The following ARB2A variants were observed in gnomAD, a reference collection of about 807,000 sequenced individuals.
The protein encoded by ARB2A is ARB2 cotranscriptional regulator A.
At chr5:94,003,861 T>C in the ARB2A span, among the ~76,000 whole-genome samples, 23 of 151,960 alleles carry the variant, frequency 1.5e-4, no homozygotes, top group Non-Finnish European at 2.9e-4. Context: ...AAAATTTATA[T>C]GGAAAGAAAA....
At chr5:94,056,676 C>T in the ARB2A span, among the ~76,000 whole-genome samples, 101 of 152,150 alleles carry the variant, frequency 6.6e-4, no homozygotes, top group African/African-American at 2.3e-3. Flanking sequence ...TATAAAAATA[C>T]GATTTCATAC....
chr5:93,673,578 C>A, the ARB2A span, among the ~76,000 whole-genome samples: 6 of 152,180 alleles, frequency 3.9e-5, no homozygotes, highest in African/African-American at 9.7e-5. Context: ...TAAATGCCCA[C>A]AAACAGCCCA....
chr5:93,665,001 A>G, the ARB2A span, among the ~76,000 whole-genome samples: 2 of 151,952 alleles, frequency 1.3e-5, no homozygotes, highest in East Asian at 3.9e-4. Context: ...TAATTTTTGT[A>G]TTTTTTGTAG....
chr5:94,003,376 A>G, the ARB2A span, among the ~76,000 whole-genome samples: 7 of 152,202 alleles, frequency 4.6e-5, no homozygotes, highest in Non-Finnish European at 8.8e-5. Flanking sequence ...ACAAAAGGAA[A>G]TCAAAAACAT....
At chr5:94,004,446 G>A in the ARB2A span, among the ~76,000 whole-genome samples, 4 of 151,976 alleles carry the variant, frequency 2.6e-5, no homozygotes, top group Non-Finnish European at 5.9e-5. Flanking sequence ...GCCAGGCATT[G>A]TGGCAGGCGC....
chr5:93,784,137 T>A, the ARB2A span: 1 of 289,900 alleles, frequency 3.4e-6, no homozygotes, highest in East Asian at 6.1e-5. Flanking sequence ...TACCATAGAT[T>A]GAACACTATA....
At chr5:93,877,535 C>T in the ARB2A span, among the ~76,000 whole-genome samples, 8 of 152,036 alleles carry the variant, frequency 5.3e-5, no homozygotes, top group Admixed American at 3.3e-4. Flanking sequence ...TAAGGATTGA[C>T]ATGCAATGCC....
chr5:93,924,253 G>A, the ARB2A span, among the ~76,000 whole-genome samples: 2 of 152,040 alleles, frequency 1.3e-5, no homozygotes, highest in African/African-American at 4.8e-5. Flanking sequence ...TGTGAAGAAG[G>A]GAGCAAGGAA....
chr5:93,738,008 A>AT, the ARB2A span: 1 of 414,438 alleles, frequency 2.4e-6, no homozygotes, highest in African/African-American at 2.1e-5. Flanking sequence ...GCATCAAAAG[A>AT]TACAGTCAAA....
At chr5:93,834,292 A>G in the ARB2A span, among the ~76,000 whole-genome samples, 1 of 152,228 alleles carries the variant, frequency 6.6e-6, no homozygotes, top group Non-Finnish European at 1.5e-5. Flanking sequence ...GAGCAACTTA[A>G]GGGCAGTGCC....
the ARB2A span, among the ~76,000 whole-genome samples, chr5:93,669,335 A>G: frequency 5.3e-5 from 8 of 152,222 alleles, no homozygotes; most frequent in Admixed American, 2.0e-4. Flanking sequence ...TTAAATGGTA[A>G]ATCTACTGTC....
chr5:93,709,553 A>C, the ARB2A span, among the ~76,000 whole-genome samples: 4 of 148,374 alleles, frequency 2.7e-5, 1 homozygote, highest in South Asian at 8.6e-4. Context: ...GAATCGCTTG[A>C]ATCCAGGAGG....
At chr5:93,869,961 C>T in the ARB2A span, among the ~76,000 whole-genome samples, 3 of 152,200 alleles carry the variant, frequency 2.0e-5, no homozygotes, top group South Asian at 2.1e-4. Context: ...TCACACAAAG[C>T]CTGTTTGGTG....
At chr5:93,785,174 G>A in the ARB2A span, among the ~76,000 whole-genome samples, 1 of 152,140 alleles carries the variant, frequency 6.6e-6, no homozygotes, top group Admixed American at 6.5e-5. Flanking sequence ...TGGAGATACC[G>A]ATGAATTCAT....
At chr5:93,726,218 T>C in the ARB2A span, among the ~76,000 whole-genome samples, 18 of 152,130 alleles carry the variant, frequency 1.2e-4, no homozygotes, top group East Asian at 2.5e-3. Flanking sequence ...ACTGGAAAAA[T>C]TGACACAAGG....
chr5:93,634,071 A>G, the ARB2A span, among the ~76,000 whole-genome samples: 4 of 152,032 alleles, frequency 2.6e-5, no homozygotes, highest in Admixed American at 6.5e-5. Context: ...TCGCAAATCT[A>G]CCTTATATTG....
the ARB2A span, among the ~76,000 whole-genome samples, chr5:93,858,833 C>T: frequency 4.6e-5 from 7 of 151,852 alleles, no homozygotes; most frequent in Non-Finnish European, 1.0e-4. Context: ...TATAATGTAA[C>T]ATTTTGTTAA....
At chr5:93,976,890 T>C in the ARB2A span, among the ~76,000 whole-genome samples, 1 of 152,064 alleles carries the variant, frequency 6.6e-6, no homozygotes, top group South Asian at 2.1e-4. Flanking sequence ...CTAGACATGA[T>C]AAATGACTTC....
At chr5:93,700,060 C>G in the ARB2A span, among the ~76,000 whole-genome samples, 1 of 151,758 alleles carries the variant, frequency 6.6e-6, no homozygotes, top group Non-Finnish European at 1.5e-5. Context: ...AAGACATAAA[C>G]GGAAGAATAA....
Sources: allele counts gnomAD v4.1 joint callset (sites outside exome capture counted in the v4.1 genomes callset), GRCh38; gene constraint gnomAD v4.1.1; transcripts MANE v1.5; gene names NCBI Gene and HGNC (gene_info 2026-07-23, HGNC 2026-07-21).